The following QRFPR variants were observed in gnomAD, a reference collection of about 807,000 sequenced individuals.
QRFPR encodes pyroglutamylated RF-amide peptide receptor.
In QRFPR, 37 loss-of-function variants were observed where a neutral mutation model predicts 31.3. The observed-to-expected ratio is 1.18, with a 90% CI of 0.91 to 1.56. The LOEUF is 1.56. Among genes scored for constraint, QRFPR ranks in the 40% most tolerant of loss-of-function variants. QRFPR has a pLI of 0.00. For missense variants in QRFPR, 542 were observed against 532.5 expected, an observed-to-expected ratio of 1.02 and a Z score of -0.18; for synonymous variants, 197 against 192.0, an observed-to-expected ratio of 1.03 and a Z score of -0.22.
chr4:121,330,722 G>A (rs1465059730), intron 4 of QRFPR, among the ~76,000 whole-genome samples, 199 bp from the exon 5 acceptor site: 4 of 152,120 alleles, frequency 2.6e-5, no homozygotes, highest in Non-Finnish European at 5.9e-5. Flanking sequence ...TTGAATGTCT[G>A]CTCATTATGG....
intron 3 of QRFPR, among the ~76,000 whole-genome samples, chr4:121,333,816 A>C (rs1487657289): frequency 6.6e-6 from 1 of 152,196 alleles, no homozygotes; most frequent in African/African-American, 2.4e-5. Flanking sequence ...TTTGGGTAAT[A>C]GGAATAAAAA....
intron 4 of QRFPR, among the ~76,000 whole-genome samples, chr4:121,331,211 G>T (rs1033309113): frequency 1.8e-5 from 2 of 113,790 alleles, no homozygotes; most frequent in East Asian, 2.7e-4. Context: ...TTGAGACAAG[G>T]TCTTACTCGG....
At chr4:121,339,806 T>A (rs1280056086) in intron 2 of QRFPR, among the ~76,000 whole-genome samples, 1 of 151,802 alleles carries the variant, frequency 6.6e-6, no homozygotes, top group South Asian at 2.1e-4. Context: ...ATAAAAAAAA[T>A]TAGCTGGGTG....
intron 1 of QRFPR, among the ~76,000 whole-genome samples, chr4:121,359,076 A>C (rs1725928533): frequency 6.6e-6 from 1 of 152,170 alleles, no homozygotes. Context: ...CCCAAATCCC[A>C]GGTTTTCCAC....
At position 121,330,501 on chromosome 4, in the gene QRFPR, T is replaced by C. The variant is rs760519622; in HGVS notation, c.820A>G (p.Met274Val). ...IARKKKRAVI[M>V]MVTVVALFAV... ...AAGAGAGCCACCACTGTCACCATCA[T>C]AATGACAGCTCGTTTCTTCTTCCTA... Residue 274 changes from methionine (M) to valine (V), a missense_variant, in exon 5 of 6, where the codon ATG (methionine) becomes GTG (valine). Met to Val is a conservative substitution (Grantham distance 21, BLOSUM62 1). Coordinates refer to ENST00000394427, the MANE Select transcript of QRFPR (RefSeq NM_198179.3). The C allele has an allele frequency of 2.8e-5, 45 of 1,613,864 alleles. No individual in the cohort carries two copies. Among genetic ancestry groups the C allele is most frequent in the Admixed American group, 1.0e-4 (6 of 60,006 alleles).
At chr4:121,365,571 ATAAT>A (rs1726099234) in intron 1 of QRFPR, among the ~76,000 whole-genome samples, 1 of 2,694 alleles carries the variant, frequency 3.7e-4, no homozygotes, top group African/African-American at 1.8e-3. Flanking sequence ...TATATTATAT[ATAAT>A]ATATATTATA....
chr4:121,330,320 G>C, intron 5 of QRFPR, 106 bp downstream of exon 5: 1 of 732,034 alleles, frequency 1.4e-6, no homozygotes, highest in East Asian at 2.6e-5. Flanking sequence ...TGAAATGTTA[G>C]GTATTTGATT....
chr4:121,334,446 C>G (rs1725395552), intron 3 of QRFPR: 1 of 160,370 alleles, frequency 6.2e-6, no homozygotes, highest in African/African-American at 2.4e-5. Flanking sequence ...CACCCTTTTC[C>G]CAAGTTACAG....
chr4:121,359,473 A>G (rs1302150879), intron 1 of QRFPR, among the ~76,000 whole-genome samples: 1 of 152,094 alleles, frequency 6.6e-6, no homozygotes, highest in Non-Finnish European at 1.5e-5. Flanking sequence ...CCCAGCCTGC[A>G]TCTTTCTCCC....
intron 1 of QRFPR, among the ~76,000 whole-genome samples, chr4:121,370,854 T>C (rs77112756): frequency 1.3e-5 from 2 of 152,340 alleles, no homozygotes; most frequent in East Asian, 3.9e-4. Context: ...TGCATTAATA[T>C]TTTTGTGAAA....
chr4:121,340,375 T>C (rs1420419349), intron 2 of QRFPR, 77 bp downstream of exon 2: 2 of 1,479,314 alleles, frequency 1.4e-6, no homozygotes, highest in South Asian at 1.2e-5. Flanking sequence ...GCTACTCTTC[T>C]AGTTTAAAAA....
intron 3 of QRFPR, among the ~76,000 whole-genome samples, chr4:121,336,247 C>A (rs542641893): frequency 2.0e-5 from 3 of 152,216 alleles, no homozygotes; most frequent in East Asian, 3.9e-4. Flanking sequence ...TGTCTGAAAC[C>A]AACTCAGCAC....
chr4:121,377,756 T>A (rs1338483808), intron 1 of QRFPR, among the ~76,000 whole-genome samples: 1 of 152,186 alleles, frequency 6.6e-6, no homozygotes, highest in East Asian at 1.9e-4. Flanking sequence ...TTCTCTGAGG[T>A]CCTGAAGGGC....
At chr4:121,354,428 T>G (rs1483335200) in intron 1 of QRFPR, among the ~76,000 whole-genome samples, 1 of 152,024 alleles carries the variant, frequency 6.6e-6, no homozygotes, top group African/African-American at 2.4e-5. Flanking sequence ...ATCTTTCACT[T>G]CTTTGGTTCT....
At chr4:121,374,894 C>T (rs72668982) in intron 1 of QRFPR, among the ~76,000 whole-genome samples, 6,656 of 152,192 alleles carry the variant, frequency 0.044, 228 homozygotes, top group East Asian at 0.11. Flanking sequence ...ATTTGCCAGC[C>T]ACTGCTAGAA....
At chr4:121,329,853 G>A (rs1028633893) in intron 5 of QRFPR, 139 bp from the exon 6 acceptor site, 7 of 625,596 alleles carry the variant, frequency 1.1e-5, no homozygotes, top group South Asian at 2.6e-5. Context: ...TTTGGGAGAG[G>A]CATCTGATAT....
At chr4:121,380,024 T>C (rs1456857817) in intron 1 of QRFPR, among the ~76,000 whole-genome samples, 1 of 151,854 alleles carries the variant, frequency 6.6e-6, no homozygotes, top group Non-Finnish European at 1.5e-5. Context: ...AACCTATGTC[T>C]CTAAGCCACA....
chr4:121,373,524 CT>C (rs1233432460), intron 1 of QRFPR, among the ~76,000 whole-genome samples: 7 of 152,118 alleles, frequency 4.6e-5, no homozygotes, highest in Admixed American at 2.6e-4. Context: ...TCATCAATAG[CT>C]TTTATCATTT....
At chr4:121,361,431 G>A (rs1725990090) in intron 1 of QRFPR, among the ~76,000 whole-genome samples, 1 of 150,042 alleles carries the variant, frequency 6.7e-6, no homozygotes, top group South Asian at 2.1e-4. Flanking sequence ...CGCAGCCATG[G>A]TCTATTTGCT....
Sources: gnomAD v4.1 joint callset for allele counts (sites outside exome capture counted in the v4.1 genomes callset) on GRCh38, gnomAD v4.1.1 for gene constraint, MANE v1.5 for transcripts, NCBI Gene and HGNC (gene_info 2026-07-23, HGNC 2026-07-21) for gene names.